The following RABGAP1L variants were observed in gnomAD, a reference collection of about 807,000 sequenced individuals.
RABGAP1L encodes rab GTPase-activating protein 1-like.
RABGAP1L carries 63 observed loss-of-function variants against 137.7 expected under a neutral mutation model. The observed-to-expected ratio is 0.46, with a 90% confidence interval of 0.37 to 0.56. The LOEUF (loss-of-function observed/expected upper bound fraction) is 0.56. Among genes scored for constraint, RABGAP1L ranks in the 20% least tolerant of loss-of-function variants. The pLI, the probability that RABGAP1L is intolerant of heterozygous loss-of-function variation, is 0.00. For missense variants in RABGAP1L, 1,095 were observed against 1,244.0 expected (o/e 0.88, Z 1.80); for synonymous variants, 431 against 433.7 (o/e 0.99, Z 0.08).
chr1:174,925,299 G>A (rs1011479514), intron 19 of RABGAP1L, among the ~76,000 whole-genome samples: 2 of 124,848 alleles, frequency 1.6e-5, no homozygotes, highest in Non-Finnish European at 3.1e-5. Context: ...AGTGAGCCGA[G>A]ATCACGCCAC....
chr1:174,285,307 A>G (rs1207012459), intron 10 of RABGAP1L, among the ~76,000 whole-genome samples: 1 of 152,110 alleles, frequency 6.6e-6, no homozygotes, highest in African/African-American at 2.4e-5. Context: ...ATGAGCCACC[A>G]TGCCCAGCCA....
intron 15 of RABGAP1L, among the ~76,000 whole-genome samples, chr1:174,694,917 T>C (rs1404314951): frequency 1.3e-5 from 2 of 151,876 alleles, no homozygotes; most frequent in African/African-American, 2.4e-5. Context: ...TGGTATCTCA[T>C]TGTGGTTTTG....
intron 13 of RABGAP1L, among the ~76,000 whole-genome samples, chr1:174,556,780 G>A (rs888753717): frequency 6.6e-6 from 1 of 152,146 alleles, no homozygotes; most frequent in Non-Finnish European, 1.5e-5. Context: ...ACATTTCTCC[G>A]AGTACAAACT....
chr1:174,828,868 A>C (rs775186186), intron 19 of RABGAP1L, among the ~76,000 whole-genome samples: 2 of 148,200 alleles, frequency 1.3e-5, no homozygotes, highest in Non-Finnish European at 3.0e-5. Context: ...GTTGGAGTTT[A>C]AATTTAGCCT....
At chr1:174,750,528 A>G (rs1041700104) in intron 17 of RABGAP1L, among the ~76,000 whole-genome samples, 2 of 152,292 alleles carry the variant, frequency 1.3e-5, no homozygotes, top group East Asian at 1.9e-4. Flanking sequence ...AAATTTCACA[A>G]TTCCTGTGAA....
At chr1:174,602,459 A>G (rs1313288265) in intron 13 of RABGAP1L, among the ~76,000 whole-genome samples, 2 of 152,210 alleles carry the variant, frequency 1.3e-5, no homozygotes, top group South Asian at 4.1e-4. Flanking sequence ...CCACACCCCC[A>G]TGATTCAATT....
intron 18 of RABGAP1L, chr1:174,800,423 C>G (rs1688649952): frequency 6.4e-7 from 1 of 1,550,828 alleles, no homozygotes; most frequent in Non-Finnish European, 8.7e-7. Flanking sequence ...GAGGAGCAAG[C>G]TGGTGAATGA....
chr1:174,872,841 A>G (rs7547658), intron 19 of RABGAP1L, among the ~76,000 whole-genome samples: 53,215 of 151,836 alleles, frequency 0.35, 11,702 homozygotes, highest in African/African-American at 0.63. Context: ...CCTTTCTTAT[A>G]GTTATTTATC....
intron 19 of RABGAP1L, among the ~76,000 whole-genome samples, chr1:174,879,345 G>A (rs144875408): frequency 0.023 from 3,547 of 151,980 alleles, 59 homozygotes; most frequent in Middle Eastern, 0.086. Context: ...TGATCTACCC[G>A]CCTCGGCCTC....
intron 12 of RABGAP1L, among the ~76,000 whole-genome samples, chr1:174,382,933 G>A (rs1686301919): frequency 6.6e-6 from 1 of 151,052 alleles, no homozygotes; most frequent in Non-Finnish European, 1.5e-5. Flanking sequence ...ATGTACTTTT[G>A]GTCTTTGATG....
chr1:174,574,324 T>G (rs1019617036), intron 13 of RABGAP1L, among the ~76,000 whole-genome samples: 5 of 152,222 alleles, frequency 3.3e-5, no homozygotes, highest in African/African-American at 1.2e-4. Context: ...AGCATCATCC[T>G]TTTTAGTTTT....
intron 19 of RABGAP1L, among the ~76,000 whole-genome samples, chr1:174,878,130 C>A (rs1471181389): frequency 6.6e-6 from 1 of 152,178 alleles, no homozygotes; most frequent in Non-Finnish European, 1.5e-5. Flanking sequence ...CTGGCATAAT[C>A]AAAAACGGAA....
At chr1:174,877,290 A>G (rs150851568) in intron 19 of RABGAP1L, 5 of 871,404 alleles carry the variant, frequency 5.7e-6, no homozygotes, top group Non-Finnish European at 8.9e-6. Context: ...TTAGTTTCCT[A>G]CTGGGGGTGA....
At chr1:174,403,243 GTGTGTATATA>G (rs1558204453) in intron 13 of RABGAP1L, among the ~76,000 whole-genome samples, 4 of 120,220 alleles carry the variant, frequency 3.3e-5, no homozygotes, top group African/African-American at 4.0e-5. Context: ...GTGTGTGTGT[GTGTGTATATA>G]TATGTGTATA....
At chr1:174,689,038 A>G (rs1232657848) in intron 15 of RABGAP1L, among the ~76,000 whole-genome samples, 2 of 152,118 alleles carry the variant, frequency 1.3e-5, no homozygotes, top group African/African-American at 4.8e-5. Context: ...GGCTATCGAC[A>G]GTATTCTCTT....
At chr1:174,447,472 C>T (rs1654895197) in intron 13 of RABGAP1L, among the ~76,000 whole-genome samples, 1 of 152,126 alleles carries the variant, frequency 6.6e-6, no homozygotes. Flanking sequence ...GACCCCCCAA[C>T]ATCAATCCCT....
In RABGAP1L at chr1:174,231,203, A is replaced by T; in HGVS notation, c.390A>T (p.Leu130Phe). ...PGGLPEEDSV[L>F]FNKLTYLGCM... ...GACTACCTGAAGAAGATAGTGTTTT[A>T]TTTAATAAACTGACCTACTTAGGAT... Residue 130 changes from leucine to phenylalanine, a missense_variant, in exon 4 of 26, where the codon TTA becomes TTT. Coordinates refer to ENST00000681986, the MANE Select transcript of RABGAP1L (RefSeq NM_001366446.1). 1 of 1,613,962 alleles carries T rather than the reference A, an allele frequency of 6.2e-7. No individual in the cohort carries two copies. The highest frequency in any genetic ancestry group is 8.5e-7 in the Non-Finnish European group (1 of 1,179,918).
At chr1:174,490,110 G>A (rs1303995411) in intron 13 of RABGAP1L, among the ~76,000 whole-genome samples, 1 of 151,976 alleles carries the variant, frequency 6.6e-6, no homozygotes, top group Non-Finnish European at 1.5e-5. Flanking sequence ...TGTTTGGTGA[G>A]GTCATGCTTT....
At chr1:174,598,829 G>C (rs1385503539) in intron 13 of RABGAP1L, among the ~76,000 whole-genome samples, 3 of 151,730 alleles carry the variant, frequency 2.0e-5, no homozygotes, top group East Asian at 1.9e-4. Flanking sequence ...AAAGATCATT[G>C]GGTCTTTTTT....
Sources: gnomAD v4.1 joint callset for allele counts (sites outside exome capture counted in the v4.1 genomes callset) on GRCh38, gnomAD v4.1.1 for gene constraint, MANE v1.5 for transcripts, NCBI Gene and HGNC (gene_info 2026-07-23, HGNC 2026-07-21) for gene names.